Variants in UBE2E2 observed in about 807,000 individuals in gnomAD.
UBE2E2 encodes ubiquitin conjugating enzyme E2 E2.
UBE2E2 carries 6 observed loss-of-function variants against 24.7 expected under a neutral mutation model. That is an observed-to-expected ratio of 0.24 (90% CI 0.13 to 0.48). The LOEUF (loss-of-function observed/expected upper bound fraction) is 0.48, where lower values mean the gene tolerates loss of function less well. Among genes scored for constraint, UBE2E2 ranks in the 20% least tolerant of loss-of-function variants. The pLI, the probability that UBE2E2 is intolerant of heterozygous loss-of-function variation, is 0.99. For missense variants in UBE2E2, 169 were observed against 245.0 expected (o/e 0.69, Z 2.07); for synonymous variants, 104 against 83.6 (o/e 1.24, Z -1.33).
intron 3 of UBE2E2, among the ~76,000 whole-genome samples, chr3:23,257,213 A>G (rs766163653): frequency 4.6e-5 from 7 of 152,116 alleles, no homozygotes; most frequent in Non-Finnish European, 5.9e-5. Flanking sequence ...TCATGTTATC[A>G]TCTAAATGGA....
chr3:23,348,309 C>T (rs1190895250), intron 3 of UBE2E2, among the ~76,000 whole-genome samples: 1 of 123,402 alleles, frequency 8.1e-6, no homozygotes, highest in Non-Finnish European at 1.7e-5. Flanking sequence ...GAAATCTGGA[C>T]ACAGAAGGGT....
At chr3:23,496,712 A>C (rs1001647423) in intron 3 of UBE2E2, among the ~76,000 whole-genome samples, 2 of 152,178 alleles carry the variant, frequency 1.3e-5, no homozygotes, top group African/African-American at 4.8e-5. Context: ...ATAGTGCTTC[A>C]ATAAACATTA....
chr3:23,327,903 A>G (rs748021035), intron 3 of UBE2E2, among the ~76,000 whole-genome samples: 1 of 152,172 alleles, frequency 6.6e-6, no homozygotes, highest in Non-Finnish European at 1.5e-5. Flanking sequence ...GTCAATCTCA[A>G]TTATAGGATG....
intron 3 of UBE2E2, among the ~76,000 whole-genome samples, chr3:23,232,974 G>C (rs1251737128): frequency 6.6e-6 from 1 of 152,212 alleles, no homozygotes; most frequent in African/African-American, 2.4e-5. Flanking sequence ...AGTTTCCTAA[G>C]AGTGGCACAG....
chr3:23,509,130 A>G (rs1694526494), intron 4 of UBE2E2, among the ~76,000 whole-genome samples: 2 of 152,242 alleles, frequency 1.3e-5, no homozygotes, highest in South Asian at 4.1e-4. Context: ...TCTGAGAGAA[A>G]CACTCTAAGC....
At chr3:23,567,830 A>G (rs1696113138) in intron 5 of UBE2E2, among the ~76,000 whole-genome samples, 1 of 152,188 alleles carries the variant, frequency 6.6e-6, no homozygotes. Flanking sequence ...TATCCTAGAC[A>G]CTTTGTTGGT....
chr3:23,244,683 A>C (rs972137737), intron 3 of UBE2E2, among the ~76,000 whole-genome samples: 4 of 152,156 alleles, frequency 2.6e-5, no homozygotes, highest in Non-Finnish European at 4.4e-5. Flanking sequence ...TACATTTTTC[A>C]GATAATAGGA....
intron 3 of UBE2E2, among the ~76,000 whole-genome samples, chr3:23,498,150 G>T (rs1575668213): frequency 6.6e-6 from 1 of 151,830 alleles, no homozygotes; most frequent in South Asian, 2.1e-4. Flanking sequence ...AGGAACTTGT[G>T]TATTCTCAAC....
intron 3 of UBE2E2, among the ~76,000 whole-genome samples, chr3:23,481,353 C>T (rs1309477725): frequency 6.6e-6 from 1 of 152,198 alleles, no homozygotes; most frequent in African/African-American, 2.4e-5. Flanking sequence ...CAATGAGTGG[C>T]CATCTTTAGA....
intron 3 of UBE2E2, among the ~76,000 whole-genome samples, chr3:23,340,134 G>C (rs1695339411): frequency 6.6e-6 from 1 of 152,048 alleles, no homozygotes; most frequent in South Asian, 2.1e-4. Context: ...GTGTCTGTAT[G>C]TCAGGCTCCA....
At chr3:23,560,753 G>A (rs576900946) in intron 5 of UBE2E2, among the ~76,000 whole-genome samples, 232 of 152,076 alleles carry the variant, frequency 1.5e-3, no homozygotes, top group African/African-American at 5.3e-3. Context: ...TTTAATGATT[G>A]CCATTCTAAC....
At chr3:23,349,634 G>A (rs973016870) in intron 3 of UBE2E2, among the ~76,000 whole-genome samples, 3 of 152,232 alleles carry the variant, frequency 2.0e-5, no homozygotes, top group African/African-American at 7.2e-5. Context: ...CTGATTGCTA[G>A]CACAGCAGTC....
At chr3:23,235,480 C>T (rs9881808) in intron 3 of UBE2E2, among the ~76,000 whole-genome samples, 49,917 of 151,470 alleles carry the variant, frequency 0.33, 8,478 homozygotes, top group South Asian at 0.37. Context: ...TGCTGTTGTA[C>T]AAGATGAGGT....
At chr3:23,584,555 T>C (rs1696565713) in intron 5 of UBE2E2, among the ~76,000 whole-genome samples, 2 of 131,914 alleles carry the variant, frequency 1.5e-5, no homozygotes, top group Admixed American at 1.4e-4. Flanking sequence ...AATATGACAA[T>C]CTTTTTTTTT....
At chr3:23,345,793 T>C (rs1164648845) in intron 3 of UBE2E2, among the ~76,000 whole-genome samples, 1 of 152,238 alleles carries the variant, frequency 6.6e-6, no homozygotes, top group Admixed American at 6.5e-5. Flanking sequence ...TGCTGCTGTA[T>C]ATTTGATTAA....
chr3:23,512,721 G>T (rs1414021397), intron 4 of UBE2E2, among the ~76,000 whole-genome samples: 1 of 152,126 alleles, frequency 6.6e-6, no homozygotes, highest in African/African-American at 2.4e-5. Flanking sequence ...AAGACGGCCA[G>T]ATCACCTGAA....
chr3:23,204,926 T>C (rs1308416815), intron 1 of UBE2E2: 6 of 218,002 alleles, frequency 2.8e-5, no homozygotes, highest in Admixed American at 2.6e-4. Context: ...GATACTGTTA[T>C]AAGGCTTACC....
At chr3:23,342,206 A>G (rs1399409671) in intron 3 of UBE2E2, among the ~76,000 whole-genome samples, 2 of 147,644 alleles carry the variant, frequency 1.4e-5, no homozygotes, top group Non-Finnish European at 3.0e-5. Context: ...TTTTTTTGAG[A>G]CAGGGTCTTG....
At chr3:23,554,527 T>A (rs911791080) in intron 5 of UBE2E2, among the ~76,000 whole-genome samples, 3 of 151,806 alleles carry the variant, frequency 2.0e-5, no homozygotes, top group African/African-American at 4.8e-5. Flanking sequence ...AAAAATAAAA[T>A]AAGAATGAAA....
Sources: gnomAD v4.1 joint callset for allele counts (sites outside exome capture counted in the v4.1 genomes callset) on GRCh38, gnomAD v4.1.1 for gene constraint, MANE v1.5 for transcripts, NCBI Gene and HGNC (gene_info 2026-07-23, HGNC 2026-07-21) for gene names.